Variants in DLGAP1 observed in about 807,000 individuals in gnomAD.
DLGAP1 encodes the protein DLG associated protein 1.
In DLGAP1, 11 loss-of-function variants were observed where a neutral mutation model predicts 90.8. The ratio of observed to expected loss-of-function variants is 0.12; its 90% CI spans 0.08 to 0.20. The LOEUF (loss-of-function observed/expected upper bound fraction) is 0.20, where lower values mean the gene tolerates loss of function less well. Ranked by LOEUF, DLGAP1 falls within the 10% of genes least tolerant of loss-of-function variation. The probability of loss-of-function intolerance (pLI) is 1.00; values close to 1 mark genes in which losing one functional copy is unlikely to be tolerated. For synonymous variants in DLGAP1, 558 were observed against 540.7 expected, an observed-to-expected ratio of 1.03 and a Z score of -0.44; for missense variants, 1,050 against 1,333.8, an observed-to-expected ratio of 0.79 and a Z score of 3.31.
intron 1 of DLGAP1, among the ~76,000 whole-genome samples, chr18:4,279,896 G>A (rs1490104523): frequency 3.9e-5 from 6 of 152,216 alleles, no homozygotes; most frequent in Middle Eastern, 3.4e-3. Flanking sequence ...AAACACTGAA[G>A]TATACTCATG....
chr18:3,677,939 G>A (rs8096504), intron 7 of DLGAP1, among the ~76,000 whole-genome samples: 3,045 of 139,186 alleles, frequency 0.022, 110 homozygotes, highest in African/African-American at 0.077. Context: ...GATTACAGGC[G>A]TGAGCCACTG....
chr18:3,503,485 T>TACAAAAATA, intron 11 of DLGAP1, among the ~76,000 whole-genome samples: 2 of 152,058 alleles, frequency 1.3e-5, no homozygotes, highest in African/African-American at 4.8e-5. Flanking sequence ...AGACTGAAAA[T>TACAAAAATA]ATCATACTCT....
At chr18:3,888,916 C>T (rs1425074695) in intron 3 of DLGAP1, among the ~76,000 whole-genome samples, 2 of 152,092 alleles carry the variant, frequency 1.3e-5, no homozygotes, top group East Asian at 3.9e-4. Flanking sequence ...TCTGGATTTT[C>T]AGGAGAGGGT....
Position 4,026,966 on chromosome 18 carries a change from T to C in DLGAP1, c.-158-21765A>G, listed in dbSNP as rs2074710374. On this transcript the variant is annotated intron_variant, in intron 2 of 12. Transcript: ENST00000315677. ...AGGCTCGGCCTGAATAACCTCACTA[T>C]GCAGAAGTAGAGAGCACCTGGGGAG... is the stretch of plus-strand genomic sequence containing the variant. 2.0e-5 allele frequency among the ~76,000 whole-genome samples: 3 copies of C among 152,092 alleles called. No individual in the cohort carries two copies. In the South Asian group the frequency reaches 6.2e-4, roughly 32 times the overall value.
chr18:3,960,645 T>C (rs2073178268), intron 3 of DLGAP1, among the ~76,000 whole-genome samples: 1 of 152,188 alleles, frequency 6.6e-6, no homozygotes, highest in South Asian at 2.1e-4. Flanking sequence ...ATTCTAGACA[T>C]CCGGGGTGAA....
chr18:4,312,324 G>A (rs2080421103), intron 1 of DLGAP1, among the ~76,000 whole-genome samples: 1 of 152,096 alleles, frequency 6.6e-6, no homozygotes, highest in Admixed American at 6.5e-5. Flanking sequence ...TTTAGAATTT[G>A]AACATGGTCT....
intron 7 of DLGAP1, chr18:3,597,020 G>A (rs879850664): frequency 5.8e-6 from 3 of 519,928 alleles, no homozygotes; most frequent in Non-Finnish European, 1.2e-5. Context: ...AGGACCGTGG[G>A]AGGCACCTGT....
intron 1 of DLGAP1, among the ~76,000 whole-genome samples, chr18:4,266,861 GT>G (rs928794955): frequency 2.0e-4 from 31 of 151,964 alleles, no homozygotes; most frequent in Non-Finnish European, 3.7e-4. Context: ...ATAATTTTTA[GT>G]AACTCATTAG....
At chr18:3,615,310 G>T (rs1304385733) in intron 7 of DLGAP1, among the ~76,000 whole-genome samples, 1 of 152,182 alleles carries the variant, frequency 6.6e-6, no homozygotes, top group Non-Finnish European at 1.5e-5. Flanking sequence ...GGACTGGAAG[G>T]TGTATTGTTA....
At chr18:3,834,019 T>C (rs1242309789) in intron 4 of DLGAP1, among the ~76,000 whole-genome samples, 2 of 152,068 alleles carry the variant, frequency 1.3e-5, no homozygotes, top group Non-Finnish European at 1.5e-5. Context: ...GGTATAGAGA[T>C]TTATGGGCCG....
At chr18:4,406,125 A>C (rs1348597299) in intron 1 of DLGAP1, among the ~76,000 whole-genome samples, 1 of 152,176 alleles carries the variant, frequency 6.6e-6, no homozygotes, top group Non-Finnish European at 1.5e-5. Context: ...CAAACGTCTG[A>C]TTGGTTGTGA....
intron 1 of DLGAP1, among the ~76,000 whole-genome samples, chr18:4,243,073 G>A (rs370955531): frequency 3.5e-4 from 53 of 152,042 alleles, no homozygotes; most frequent in Admixed American, 3.1e-3. Flanking sequence ...CCCTCTCACC[G>A]CTCTTAGATG....
At chr18:4,200,485 TC>T (rs2077587745) in intron 1 of DLGAP1, among the ~76,000 whole-genome samples, 1 of 151,746 alleles carries the variant, frequency 6.6e-6, no homozygotes. Context: ...ATTTAGTTGA[TC>T]CCTTTTGATT....
intron 7 of DLGAP1, among the ~76,000 whole-genome samples, chr18:3,643,662 C>CAAAAAAAAAAAAAAAA (rs538678987): frequency 1.5e-5 from 1 of 65,030 alleles, no homozygotes; most frequent in Non-Finnish European, 3.0e-5. Context: ...GACTCCATCT[C>CAAAAAAAAAAAAAAAA]AAAAAAAAAA....
chr18:3,913,654 G>A (rs754283835), intron 3 of DLGAP1, among the ~76,000 whole-genome samples: 4 of 152,088 alleles, frequency 2.6e-5, no homozygotes, highest in Admixed American at 6.5e-5. Context: ...CTCAGCTGAC[G>A]GAAGCAAAAT....
chr18:3,767,703 C>T (rs2064316672), intron 5 of DLGAP1, among the ~76,000 whole-genome samples: 1 of 151,970 alleles, frequency 6.6e-6, no homozygotes, highest in Non-Finnish European at 1.5e-5. Context: ...GCAGAAAATG[C>T]ATGTAACAAA....
intron 11 of DLGAP1, among the ~76,000 whole-genome samples, chr18:3,504,962 G>A (rs534672588): frequency 3.3e-5 from 5 of 152,156 alleles, no homozygotes; most frequent in African/African-American, 7.2e-5. Flanking sequence ...GTTTAGTTAC[G>A]TTGGAAGAGG....
chr18:3,618,404 C>T (rs988525973), intron 7 of DLGAP1, among the ~76,000 whole-genome samples: 16 of 152,012 alleles, frequency 1.1e-4, no homozygotes, highest in African/African-American at 2.7e-4. Flanking sequence ...AAAGAACATC[C>T]GACACAAACA....
intron 3 of DLGAP1, among the ~76,000 whole-genome samples, chr18:3,964,614 C>T (rs2073280748): frequency 6.6e-6 from 1 of 151,990 alleles, no homozygotes; most frequent in African/African-American, 2.4e-5. Context: ...GAAGAGTGGG[C>T]TGATGAGGAA....
Sources: gnomAD v4.1 joint callset for allele counts (sites outside exome capture counted in the v4.1 genomes callset) on GRCh38, gnomAD v4.1.1 for gene constraint, MANE v1.5 for transcripts, NCBI Gene and HGNC (gene_info 2026-07-23, HGNC 2026-07-21) for gene names.